The following IGSF21 variants were observed in gnomAD, a reference collection of about 807,000 sequenced individuals.
IGSF21 encodes immunoglobulin superfamily member 21.
Under a neutral mutation model 46.8 loss-of-function variants are expected in IGSF21, and 28 were observed. The observed-to-expected ratio is 0.60, with a 90% CI of 0.44 to 0.82. IGSF21 has a LOEUF of 0.82. Among genes scored for constraint, IGSF21 ranks in the 40% least tolerant of loss-of-function variants. IGSF21 has a pLI of 0.00. For synonymous variants in IGSF21, 284 were observed against 273.6 expected (o/e 1.04, Z -0.38); for missense variants, 624 against 665.5 (o/e 0.94, Z 0.69).
At chr1:18,198,592 GC>G (rs1191355955) in intron 1 of IGSF21, among the ~76,000 whole-genome samples, 1 of 152,224 alleles carries the variant, frequency 6.6e-6, no homozygotes, top group Non-Finnish European at 1.5e-5. Context: ...GGCAAGGCCT[GC>G]CAGGCGCTTT....
At chr1:18,302,110 C>T (rs1385438572) in intron 3 of IGSF21, among the ~76,000 whole-genome samples, 1 of 151,812 alleles carries the variant, frequency 6.6e-6, no homozygotes, top group Admixed American at 6.6e-5. Flanking sequence ...CAGGTTCCCA[C>T]TTCTTCTCTC....
At chr1:18,144,412 C>A (rs1268582355) in intron 1 of IGSF21, among the ~76,000 whole-genome samples, 3 of 152,198 alleles carry the variant, frequency 2.0e-5, no homozygotes, top group African/African-American at 7.2e-5. Flanking sequence ...CCCCTAGTCA[C>A]CTCCCTGCCC....
chr1:18,228,789 G>A (rs909004342), intron 2 of IGSF21, among the ~76,000 whole-genome samples: 3 of 152,200 alleles, frequency 2.0e-5, no homozygotes, highest in African/African-American at 7.2e-5. Context: ...AACAGGGGTT[G>A]GCAACATTTT....
At chr1:18,117,912 AG>A (rs2086201172) in intron 1 of IGSF21, among the ~76,000 whole-genome samples, 1 of 152,136 alleles carries the variant, frequency 6.6e-6, no homozygotes, top group African/African-American at 2.4e-5. Flanking sequence ...GCATGCACTG[AG>A]CATGATGTGG....
intron 6 of IGSF21, among the ~76,000 whole-genome samples, chr1:18,367,119 A>G (rs2086174594): frequency 6.6e-6 from 1 of 152,204 alleles, no homozygotes; most frequent in African/African-American, 2.4e-5. Context: ...TGCCTGGAGC[A>G]GTCCACAGCC....
At chr1:18,274,211 C>G (rs1011043501) in intron 2 of IGSF21, among the ~76,000 whole-genome samples, 2 of 152,212 alleles carry the variant, frequency 1.3e-5, no homozygotes, top group Admixed American at 6.5e-5. Context: ...TATCAGGTAT[C>G]TATGGCAAAG....
chr1:18,264,707 T>C (rs2084975343), intron 2 of IGSF21, among the ~76,000 whole-genome samples: 1 of 152,214 alleles, frequency 6.6e-6, no homozygotes, highest in African/African-American at 2.4e-5. Flanking sequence ...GAAGGAATCA[T>C]TGAATTTGAC....
intron 8 of IGSF21, among the ~76,000 whole-genome samples, 200 bp downstream of exon 8, chr1:18,377,192 C>A (rs566809273): frequency 6.6e-6 from 1 of 152,296 alleles, no homozygotes; most frequent in East Asian, 1.9e-4. Context: ...TCAGAAAGAA[C>A]CTTAGGCAAA....
intron 3 of IGSF21, among the ~76,000 whole-genome samples, chr1:18,300,463 T>C (rs1157711440): frequency 1.3e-5 from 2 of 152,184 alleles, no homozygotes; most frequent in African/African-American, 4.8e-5. Context: ...CCACTTTTAA[T>C]TGAAGATGAT....
intron 3 of IGSF21, among the ~76,000 whole-genome samples, chr1:18,294,365 C>T (rs1019232680): frequency 2.0e-5 from 3 of 152,158 alleles, no homozygotes; most frequent in African/African-American, 7.2e-5. Context: ...AAAAATTCAC[C>T]TTTTTACAAA....
In IGSF21 at chr1:18,359,471, GGAAGGAAGGAA is replaced by G. The variant is rs1264333764; in HGVS notation, c.425-2642_425-2632del. Among the ~76,000 whole-genome samples, 126 of 27,342 alleles carry G rather than the reference GGAAGGAAGGAA, an allele frequency of 4.6e-3. 2 individuals are homozygous for G. The highest frequency in any genetic ancestry group is 0.034 in the South Asian group (25 of 732). The allele number at this position is 27,342 out of a possible 152,430, so 17.9% of individuals were successfully genotyped here. ...GAAAGAAAGAAAGAAAGGGAAGGAA[GGAAGGAAGGAA>G]GGAAGGAAGGAAGGAAGGAAGGAAG... On this transcript the variant is annotated intron_variant, in intron 4 of 9. Transcript: ENST00000251296.
intron 3 of IGSF21, among the ~76,000 whole-genome samples, chr1:18,302,597 T>A (rs1254034571): frequency 6.6e-6 from 1 of 152,098 alleles, no homozygotes; most frequent in Non-Finnish European, 1.5e-5. Flanking sequence ...TTTCCTGCCA[T>A]CCTGTGCACA....
At chr1:18,124,829 G>T (rs192082963) in intron 1 of IGSF21, among the ~76,000 whole-genome samples, 13 of 152,276 alleles carry the variant, frequency 8.5e-5, no homozygotes, top group African/African-American at 3.1e-4. Context: ...TATTTCCCTC[G>T]GAAAGGAGAC....
chr1:18,162,714 C>T (rs770151002), intron 1 of IGSF21, among the ~76,000 whole-genome samples: 9 of 152,174 alleles, frequency 5.9e-5, no homozygotes, highest in Middle Eastern at 3.2e-3. Flanking sequence ...AGTTGAGGAG[C>T]GTCTGCATAT....
At chr1:18,190,049 C>T (rs1203727010) in intron 1 of IGSF21, among the ~76,000 whole-genome samples, 2 of 152,218 alleles carry the variant, frequency 1.3e-5, no homozygotes, top group Non-Finnish European at 1.5e-5. Flanking sequence ...AGCCCTCTTC[C>T]TGGACAGAGA....
At position 18,376,917 on chromosome 1, in the gene IGSF21, A is replaced by C. The variant is rs1468462228; in HGVS notation, c.1219A>C (p.Asn407His). Residue 407 changes from asparagine to histidine, a missense_variant, in exon 8 of 10, where the codon AAT becomes CAT. By Grantham distance (68) the Asn-to-His change is moderately conservative. Coordinates refer to ENST00000251296, the MANE Select transcript of IGSF21 (RefSeq NM_032880.5). The stretch of plus-strand genomic sequence containing the variant: ...GCTGGAGCGGGTTCCCGCCGAGCTC[A>C]ATGGCTCCATGTATCGCTGCACCGC... ...LVLERVPAEL[N>H]GSMYRCTAQN... The C allele has an allele frequency of 6.2e-7, 1 of 1,612,634 alleles. No individual in the cohort carries two copies. Among genetic ancestry groups the C allele is most frequent in the Non-Finnish European group, 8.5e-7 (1 of 1,178,852 alleles).
intron 1 of IGSF21, among the ~76,000 whole-genome samples, chr1:18,160,511 TTGGCTCTGCACTTTC>T (rs1186161037): frequency 7.9e-5 from 12 of 152,224 alleles, no homozygotes; most frequent in African/African-American, 2.9e-4. Context: ...TAAGGCACAC[TTGGCTCTGCACTTTC>T]TAGCTGGGCG....
intron 2 of IGSF21, among the ~76,000 whole-genome samples, chr1:18,264,322 T>A (rs1056697306): frequency 6.6e-6 from 1 of 152,124 alleles, no homozygotes; most frequent in South Asian, 2.1e-4. Context: ...AACCCTTAAA[T>A]TAAATGAGAT....
chr1:18,248,325 A>G (rs1323895856), intron 2 of IGSF21, among the ~76,000 whole-genome samples: 1 of 152,212 alleles, frequency 6.6e-6, no homozygotes, highest in East Asian at 1.9e-4. Flanking sequence ...ACCCCTCTGT[A>G]CATCTCAAAA....
Sources: allele counts gnomAD v4.1 joint callset (sites outside exome capture counted in the v4.1 genomes callset), GRCh38; gene constraint gnomAD v4.1.1; transcripts MANE v1.5; gene names NCBI Gene and HGNC (gene_info 2026-07-23, HGNC 2026-07-21).